SYNPR: variants seen among roughly 807,000 people sequenced by gnomAD.
SYNPR encodes the protein synaptoporin.
A neutral mutation model predicts 32.9 loss-of-function variants in SYNPR; 23 were observed. The ratio of observed to expected loss-of-function variants is 0.70; its 90% confidence interval spans 0.50 to 0.99. The LOEUF (loss-of-function observed/expected upper bound fraction) is 0.99. Among genes scored for constraint, SYNPR ranks in the 50% least tolerant of loss-of-function variants. The pLI is 0.00. For synonymous variants in SYNPR, 146 were observed against 135.9 expected, an observed-to-expected ratio of 1.07 and a Z score of -0.52; for missense variants, 318 against 349.3, an observed-to-expected ratio of 0.91 and a Z score of 0.71.
chr3:63,533,597 T>C (rs111754944), intron 3 of SYNPR, among the ~76,000 whole-genome samples: 1 of 152,014 alleles, frequency 6.6e-6, no homozygotes, highest in African/African-American at 2.4e-5. Context: ...ATTCACATAA[T>C]GAAAGGGAAG....
chr3:63,504,191 T>TA lies in SYNPR; in HGVS notation c.209+23236dup, dbSNP rs545122187. Among the ~76,000 whole-genome samples, 538 of 152,302 alleles carry TA rather than the reference T, an allele frequency of 3.5e-3. 4 individuals carry two copies. Among genetic ancestry groups the TA allele is most frequent in the African/African-American group, 0.012 (495 of 41,580 alleles). On this transcript the variant is annotated intron_variant, in intron 3 of 5. Transcript: ENST00000478300. ...TCATATACATCTATGCATCCACATG[T>TA]AGGTCTGACTGTTCAGACTTTTGGG...
rs1362449697 is a variant in SYNPR at position 63,329,437 on chromosome 3, A to G, written c.84+50695A>G. Among the ~76,000 whole-genome samples, 5 of 152,284 alleles carry G rather than the reference A, an allele frequency of 3.3e-5. No homozygotes were observed. The South Asian group carries it at 6.2e-4, about 19-fold the overall frequency. On this transcript the variant is annotated intron_variant, in intron 2 of 5. Transcript: ENST00000478300. ...AATCTAGTCCTTTAACCAACCTGCA[A>G]TGCAAACCCTCACCCAAGACATCAC...
intron 2 of SYNPR, among the ~76,000 whole-genome samples, chr3:63,338,334 T>C (rs951396894): frequency 1.3e-5 from 2 of 152,202 alleles, no homozygotes; most frequent in Non-Finnish European, 2.9e-5. Flanking sequence ...TTAAAAGTAG[T>C]GGGAAGTCTA....
intron 2 of SYNPR, among the ~76,000 whole-genome samples, chr3:63,285,735 C>T (rs1194224838): frequency 6.6e-6 from 1 of 152,134 alleles, no homozygotes; most frequent in Non-Finnish European, 1.5e-5. Flanking sequence ...GATTTGAATT[C>T]AGATTTTATT....
intron 4 of SYNPR, among the ~76,000 whole-genome samples, chr3:63,567,531 A>AGCTG (rs746717510): frequency 1.3e-5 from 2 of 152,186 alleles, no homozygotes; most frequent in Non-Finnish European, 2.9e-5. Context: ...TCACACACAC[A>AGCTG]GCTTTAGCTT....
intron 1 of SYNPR, among the ~76,000 whole-genome samples, chr3:63,249,254 T>C (rs1445906488): frequency 1.3e-5 from 2 of 152,162 alleles, no homozygotes; most frequent in Non-Finnish European, 2.9e-5. Flanking sequence ...TATTTTCAGC[T>C]ATCAGAGTGA....
chr3:63,223,471 G>A (rs1176276930), upstream of SYNPR, among the ~76,000 whole-genome samples: 1 of 151,868 alleles, frequency 6.6e-6, no homozygotes, highest in African/African-American at 2.4e-5. Flanking sequence ...TGGGAGACGG[G>A]CTTGGTACCA....
chr3:63,447,803 C>A (rs1203276828), intron 2 of SYNPR, among the ~76,000 whole-genome samples: 1 of 151,750 alleles, frequency 6.6e-6, no homozygotes, highest in Non-Finnish European at 1.5e-5. Context: ...TGTTCAGGGG[C>A]AACTCCAAAC....
rs372587970 is a variant in SYNPR, at chr3:63,599,121, G to T, written c.409-10004G>T. ...ATTATGGATGTTTTGGTCAGCAATG[G>T]ATCACCAACAATATATGATGGTGGT... On this transcript the variant is annotated intron_variant, in intron 4 of 5. Coordinates refer to ENST00000478300, the MANE Select transcript of SYNPR (RefSeq NM_001130003.2). Among the ~76,000 whole-genome samples, 134 of 152,242 alleles carry T rather than the reference G, an allele frequency of 8.8e-4. 1 individual carries two copies. In the South Asian group the frequency reaches 0.026, roughly 30 times the overall value.
intron 2 of SYNPR, among the ~76,000 whole-genome samples, chr3:63,409,884 C>T (rs953500779): frequency 2.0e-5 from 3 of 152,126 alleles, no homozygotes; most frequent in African/African-American, 7.2e-5. Context: ...TGACAGACGT[C>T]ACATCAGCGT....
chr3:63,245,724 T>A lies in SYNPR; in HGVS notation n.67-6775T>A, dbSNP rs1362962096. On this transcript the variant is annotated intron_variant and non_coding_transcript_variant, in intron 1 of 4. Transcript: ENST00000478456. ...GAGAGAGAGAGAGTGTGTGTGTGTG[T>A]GTGTGTGTGTGTGTGTATGTGTGTG... Among the ~76,000 whole-genome samples the A allele has an allele frequency of 8.7e-3, 817 of 93,864 alleles. 5 individuals are homozygous for A. The highest frequency in any genetic ancestry group is 0.02 in the African/African-American group (513 of 26,280). 61.6% of individuals were successfully genotyped at this position (93,864 alleles called of 152,430 possible). A position where few individuals can be genotyped will look rare whatever the true frequency, so the allele number is the denominator to read the frequency against.
At chr3:63,606,518 A>C (rs552105048) in intron 4 of SYNPR, among the ~76,000 whole-genome samples, 3 of 145,666 alleles carry the variant, frequency 2.1e-5, no homozygotes, top group Non-Finnish European at 4.5e-5. Context: ...TGCAACTTCA[A>C]ACTCCTGGGA....
At chr3:63,578,450 G>A (rs76905026) in intron 4 of SYNPR, among the ~76,000 whole-genome samples, 1 of 152,254 alleles carries the variant, frequency 6.6e-6, no homozygotes, top group African/African-American at 2.4e-5. Flanking sequence ...TCCATGTGTG[G>A]ATAGTAGCAA....
intron 3 of SYNPR, among the ~76,000 whole-genome samples, chr3:63,270,376 A>C (rs550469941): frequency 1.3e-5 from 2 of 152,318 alleles, no homozygotes; most frequent in South Asian, 4.1e-4. Context: ...AAAACAATGC[A>C]TTTCTTAAGA....
intron 3 of SYNPR, among the ~76,000 whole-genome samples, chr3:63,528,424 G>T (rs1702054817): frequency 6.6e-6 from 1 of 151,710 alleles, no homozygotes; most frequent in Admixed American, 6.6e-5. Context: ...TTTTTTGATG[G>T]AGCATCTCAA....
chr3:63,415,610 A>T (rs892418091), intron 2 of SYNPR, among the ~76,000 whole-genome samples: 36 of 152,328 alleles, frequency 2.4e-4, no homozygotes, highest in African/African-American at 7.7e-4. Flanking sequence ...ATATGTAACC[A>T]AATCAACGCG....
At chr3:63,440,099 G>GGAGAAAGTGAAAGATGTTTTTAGGTTA (rs1700146594) in intron 2 of SYNPR, among the ~76,000 whole-genome samples, 1 of 152,160 alleles carries the variant, frequency 6.6e-6, no homozygotes, top group Non-Finnish European at 1.5e-5. Context: ...AGGAATTACT[G>GGAGAAAGTGAAAGATGTTTTTAGGTTA]GAGAAAGTGA....
intron 2 of SYNPR, among the ~76,000 whole-genome samples, chr3:63,465,277 A>C (rs1256582718): frequency 1.3e-5 from 2 of 152,132 alleles, no homozygotes; most frequent in Admixed American, 6.5e-5. Context: ...AATCAATAAA[A>C]GATTATTAAC....
intron 3 of SYNPR, among the ~76,000 whole-genome samples, chr3:63,481,480 T>C (rs1701047221): frequency 1.3e-5 from 2 of 151,442 alleles, no homozygotes; most frequent in African/African-American, 4.9e-5. Flanking sequence ...TGTATACATA[T>C]AAAGTGAACT....
Sources: allele counts gnomAD v4.1 joint callset (sites outside exome capture counted in the v4.1 genomes callset), GRCh38; gene constraint gnomAD v4.1.1; transcripts MANE v1.5; gene names NCBI Gene and HGNC (gene_info 2026-07-23, HGNC 2026-07-21).